PLIN3: variants seen among roughly 807,000 people sequenced by gnomAD.
The protein encoded by PLIN3 is perilipin-3.
PLIN3 carries 30 observed loss-of-function variants against 35.9 expected under a neutral mutation model. That is an observed-to-expected ratio of 0.84 (90% CI 0.62 to 1.13). The LOEUF (loss-of-function observed/expected upper bound fraction) is 1.13. Among genes scored for constraint, PLIN3 ranks in the 50% most tolerant of loss-of-function variants. The probability of loss-of-function intolerance (pLI) is 0.00; values close to 1 mark genes in which losing one functional copy is unlikely to be tolerated. For missense variants in PLIN3, 603 were observed against 596.9 expected (o/e 1.01, Z -0.11); for synonymous variants, 261 against 262.5 (o/e 0.99, Z 0.06).
At chr19:4,858,735 C>T (rs2030564439) in intron 4 of PLIN3, among the ~76,000 whole-genome samples, 1 of 112,434 alleles carries the variant, frequency 8.9e-6, no homozygotes, top group Non-Finnish European at 1.8e-5. Context: ...GAGTTTCACT[C>T]TTGCTGCCCA....
At chr19:4,853,484 C>A (rs981592891) in intron 4 of PLIN3, among the ~76,000 whole-genome samples, 1 of 151,884 alleles carries the variant, frequency 6.6e-6, no homozygotes, top group African/African-American at 2.4e-5. Context: ...TGCCACCATG[C>A]CGAGCCGATT....
At chr19:4,860,417 C>A (rs7251518) in intron 2 of PLIN3, among the ~76,000 whole-genome samples, 2,917 of 151,868 alleles carry the variant, frequency 0.019, 92 homozygotes, top group African/African-American at 0.068. Flanking sequence ...GTTGGCCAGG[C>A]TGGTCTTGAA....
Position 4,853,945 on chromosome 19 carries a change from T to C in PLIN3, c.349-1644A>G, listed in dbSNP as rs375797353. On this transcript the variant is annotated intron_variant, in intron 4 of 7. Coordinates refer to ENST00000221957, the MANE Select transcript of PLIN3 (RefSeq NM_005817.5). ...CGAATCTAAGTCTTTTTTTTTTTTTTCTTTTGAGACAGGGTCTCACTGTGT... is the reference window on the plus strand; with the variant it reads ...CGAATCTAAGTCTTTTTTTTTTTTTCCTTTTGAGACAGGGTCTCACTGTGT... 7.7e-5 allele frequency among the ~76,000 whole-genome samples: 11 copies of C among 142,346 alleles called. No homozygotes were observed. In the South Asian group the frequency reaches 2.2e-3, roughly 29 times the overall value. The allele number at this position is 142,346 out of a possible 152,430, so 93.4% of individuals were successfully genotyped here. A position where few individuals can be genotyped will look rare whatever the true frequency, so the allele number is the denominator to read the frequency against.
chr19:4,845,113 G>A (rs1007169687), intron 6 of PLIN3, among the ~76,000 whole-genome samples: 1 of 152,130 alleles, frequency 6.6e-6, no homozygotes, highest in African/African-American at 2.4e-5. Flanking sequence ...ATGAGCAGAT[G>A]GAACCAGCAA....
Position 4,852,273 on chromosome 19 carries a change from G to A in PLIN3, c.377C>T (p.Ser126Leu), listed in dbSNP as rs1193347711. The A allele has an allele frequency of 8.1e-6, 13 of 1,604,578 alleles. No homozygotes were observed. Among genetic ancestry groups the A allele is most frequent in the East Asian group, 6.7e-5 (3 of 44,878 alleles). The change falls in exon 5 of 8, where the codon TCG becomes TTG. Residue 126 changes from serine to leucine, a missense_variant. Coordinates refer to ENST00000221957, the MANE Select transcript of PLIN3 (RefSeq NM_005817.5). ...CTCTTGGGCCCCCGACACCTTAGAC[G>A]ACACAAGCTCCTTGGTGTCCGCCAG... ...KVLADTKELV[S>L]SKVSGAQEMV...
intron 1 of PLIN3, among the ~76,000 whole-genome samples, chr19:4,861,933 C>G (rs1599176178): frequency 6.6e-6 from 1 of 150,486 alleles, no homozygotes. Context: ...ACACCTGATC[C>G]TTTCTTTTTT....
In PLIN3 at chr19:4,847,769, C is replaced by T. The variant is rs966589422; in HGVS notation, c.756G>A (p.Glu252=). The part of the protein sequence containing the change: ...LSERLRQHAY[E]HSLGKLRATK... ...TGGCTCGAAGCTTGCCCAGCGAGTG[C>T]TCATAGGCGTGCTGCCGCAGCCTCT... Residue 252 remains glutamate, a synonymous_variant, in exon 6 of 8, where the codon GAG becomes GAA. Transcript: ENST00000221957. 3.7e-6 allele frequency: 6 copies of T among 1,613,278 alleles called. No individual in the cohort carries two copies. The African/African-American group carries it at 6.7e-5, about 18-fold the overall frequency.
Position 4,838,418 on chromosome 19 carries a change from T to G in PLIN3, c.*774A>C, listed in dbSNP as rs1027509127. 6.6e-6 allele frequency: 1 copy of G among 152,450 alleles called. No homozygotes were observed. Among genetic ancestry groups the G allele is most frequent in the African/African-American group, 2.4e-5 (1 of 41,400 alleles). 9.4% of individuals were successfully genotyped at this position (152,450 alleles called of 1,614,324 possible). ...ACAAGGCTTACCACACAGGCCCCAG[T>G]ACCTTTCTACTCTACAATGAGGCTC... On this transcript the variant is annotated 3_prime_UTR_variant, in exon 8 of 8. Transcript: ENST00000221957.
At chr19:4,862,206 C>T (rs565654080) in intron 1 of PLIN3, among the ~76,000 whole-genome samples, 1 of 151,362 alleles carries the variant, frequency 6.6e-6, no homozygotes, top group African/African-American at 2.4e-5. Context: ...TCTCGGCTCA[C>T]TGTAACCTCC....
Position 4,859,963 on chromosome 19 carries a change from G to A in PLIN3, c.128C>T (p.Ser43Phe), listed in dbSNP as rs140694096. ...CTCCTTGGTGGAGGCATAGGCTGCG[G>A]ACACCATGTCGCAGGTGGAGCTGAT... Reference protein sequence around the residue: ...PLISSTCDMVSAAYASTKESY... With the variant: ...PLISSTCDMVFAAYASTKESY... Residue 43 changes from serine to phenylalanine, a missense_variant, in exon 3 of 8, where the codon TCC (serine) becomes TTC (phenylalanine). Coordinates refer to ENST00000221957, the MANE Select transcript of PLIN3 (RefSeq NM_005817.5). The A allele has an allele frequency of 6.8e-6, 11 of 1,613,980 alleles. No individual in the cohort carries two copies. The African/African-American group carries it at 1.5e-4, about 22-fold the overall frequency.
At chr19:4,864,123 G>A (rs1271513220) in intron 1 of PLIN3, among the ~76,000 whole-genome samples, 1 of 96,460 alleles carries the variant, frequency 1.0e-5, no homozygotes, top group African/African-American at 3.1e-5. Flanking sequence ...GTGTGTGTGT[G>A]TGTGTGTGTG....
At position 4,838,383 on chromosome 19, in the gene PLIN3, G is replaced by A. The variant is rs1055954; in HGVS notation, c.*809C>T. ...TTTATTAAGGCAATACTGAATACCA[G>A]AGCATTTCAACAAGGCTTACCACAC... On this transcript the variant is annotated 3_prime_UTR_variant, in exon 8 of 8. Transcript: ENST00000221957. 1.3e-5 allele frequency: 2 copies of A among 152,472 alleles called. No homozygotes were observed. Among genetic ancestry groups the A allele is most frequent in the African/African-American group, 2.4e-5 (1 of 41,400 alleles). The allele number at this position is 152,472 out of a possible 1,614,324, so 9.4% of individuals were successfully genotyped here.
At chr19:4,840,800 C>T (rs901338137) in intron 7 of PLIN3, among the ~76,000 whole-genome samples, 1 of 152,100 alleles carries the variant, frequency 6.6e-6, no homozygotes, top group Non-Finnish European at 1.5e-5. Flanking sequence ...ACAAAATTAG[C>T]CGGGTGTGGT....
intron 4 of PLIN3, among the ~76,000 whole-genome samples, chr19:4,858,758 A>G (rs1314183147): frequency 1.6e-5 from 2 of 127,792 alleles, no homozygotes; most frequent in Non-Finnish European, 3.3e-5. Flanking sequence ...CTAGAGTGCA[A>G]TGGCATGATC....
In PLIN3 at chr19:4,847,826, C is replaced by G; in HGVS notation, c.699G>C (p.Gln233His). ...GGGAGCCCAGACGTACGAAGTAGCT[C>G]TGTTCCTGCCGCTGCTGCTGCACGG... ...VASVQQQRQE[Q>H]SYFVRLGSLS... Residue 233 changes from glutamine (Q) to histidine (H), a missense_variant, in exon 6 of 8, where the codon CAG becomes CAC. Coordinates refer to ENST00000221957, the MANE Select transcript of PLIN3 (RefSeq NM_005817.5). 1 of 1,613,920 alleles carries G rather than the reference C, an allele frequency of 6.2e-7. No individual in the cohort carries two copies. Among genetic ancestry groups the G allele is most frequent in the South Asian group, 1.1e-5 (1 of 91,070 alleles).
chr19:4,866,722 C>G (rs965165765), intron 1 of PLIN3: 8 of 152,336 alleles, frequency 5.3e-5, no homozygotes, highest in Non-Finnish European at 1.0e-4. Context: ...AGGCAGGCAT[C>G]AAACTCCTGG....
intron 7 of PLIN3, among the ~76,000 whole-genome samples, chr19:4,844,097 C>T (rs1406328616): frequency 1.3e-5 from 2 of 151,916 alleles, no homozygotes; most frequent in Non-Finnish European, 2.9e-5. Flanking sequence ...GGACAGGCAG[C>T]GAGACCCATT....
At chr19:4,853,635 T>C (rs2030376819) in intron 4 of PLIN3, among the ~76,000 whole-genome samples, 1 of 151,942 alleles carries the variant, frequency 6.6e-6, no homozygotes, top group Non-Finnish European at 1.5e-5. Context: ...TTATTTTTTA[T>C]TTTTTGTAGA....
intron 5 of PLIN3, among the ~76,000 whole-genome samples, chr19:4,848,338 A>G (rs1296866777): frequency 6.6e-6 from 1 of 152,150 alleles, no homozygotes; most frequent in Admixed American, 6.6e-5. Flanking sequence ...AAGGCCTGGG[A>G]GCAAAGGATT....
Sources: gnomAD v4.1 joint callset for allele counts (sites outside exome capture counted in the v4.1 genomes callset) on GRCh38, gnomAD v4.1.1 for gene constraint, MANE v1.5 for transcripts, NCBI Gene and HGNC (gene_info 2026-07-23, HGNC 2026-07-21) for gene names.